The following SENP8 variants were observed in gnomAD, a reference collection of about 807,000 sequenced individuals.
SENP8 encodes sentrin-specific protease 8.
In SENP8, 10 loss-of-function variants were observed where a neutral mutation model predicts 14.4. The observed-to-expected ratio is 0.69, with a 90% CI of 0.43 to 1.18. The LOEUF (loss-of-function observed/expected upper bound fraction) is 1.18. SENP8 is among the 50% of genes most tolerant of loss of function. The pLI is 0.00. For synonymous variants in SENP8, 94 were observed against 95.5 expected (o/e 0.98, Z 0.09); for missense variants, 202 against 249.4 (o/e 0.81, Z 1.28).
chr15:72,135,013 C>A, intron 1 of SENP8: 3 of 328,068 alleles, frequency 9.1e-6, no homozygotes, highest in South Asian at 5.3e-5. Flanking sequence ...AGCCTGGGTT[C>A]ACCCTGAAGC....
At chr15:72,121,348 A>T (rs1472242506) in intron 1 of SENP8, among the ~76,000 whole-genome samples, 1 of 152,252 alleles carries the variant, frequency 6.6e-6, no homozygotes, top group Non-Finnish European at 1.5e-5. Context: ...GTTCTGTTTG[A>T]AAATCTAGAA....
chr15:72,134,451 C>T (rs2081307226), intron 1 of SENP8, among the ~76,000 whole-genome samples: 1 of 152,120 alleles, frequency 6.6e-6, no homozygotes, highest in Admixed American at 6.6e-5. Context: ...TGGTGGTACG[C>T]ACCTGCAGTC....
At chr15:72,138,028 T>C (rs1383981419) in intron 1 of SENP8, among the ~76,000 whole-genome samples, 1 of 151,968 alleles carries the variant, frequency 6.6e-6, no homozygotes, top group Non-Finnish European at 1.5e-5. Flanking sequence ...CCCTTGGAAA[T>C]TAGTAACTTT....
chr15:72,128,605 T>C (rs1230114130), intron 1 of SENP8, among the ~76,000 whole-genome samples: 1 of 152,266 alleles, frequency 6.6e-6, no homozygotes, highest in Admixed American at 6.5e-5. Flanking sequence ...TAAAATATTT[T>C]TAGTTGCTGA....
intron 1 of SENP8, among the ~76,000 whole-genome samples, chr15:72,126,968 T>C (rs1481572259): frequency 1.3e-5 from 2 of 152,208 alleles, no homozygotes; most frequent in African/African-American, 4.8e-5. Context: ...GAGTAGGAAA[T>C]TAGATTAGAA....
intron 1 of SENP8, among the ~76,000 whole-genome samples, chr15:72,127,242 AAAG>A (rs1181148184): frequency 6.6e-6 from 1 of 152,098 alleles, no homozygotes; most frequent in Non-Finnish European, 1.5e-5. Context: ...GGGGAGGAAA[AAAG>A]AATATGAACC....
At chr15:72,118,694 G>A (rs1368997277) in intron 1 of SENP8, 3 of 152,246 alleles carry the variant, frequency 2.0e-5, no homozygotes, top group Non-Finnish European at 2.9e-5. Flanking sequence ...TTCACTGAGT[G>A]GTTTCCATGC....
At position 72,140,067 on chromosome 15, in the gene SENP8, C is replaced by T. The variant is rs2081365957; in HGVS notation, c.444C>T (p.Ala148=). ...AFLGRKGDKL[A]FVEEKAPAQQ... ...TAGGCAGAAAAGGAGACAAACTGGC[C>T]TTTGTGGAAGAGAAAGCCCCTGCCC... The change falls in exon 2 of 2, where the codon GCC becomes GCT. Residue 148 remains alanine, a synonymous_variant. Transcript: ENST00000340912. 2 of 1,614,164 alleles carry T rather than the reference C, an allele frequency of 1.2e-6. No homozygotes were observed. Among genetic ancestry groups the T allele is most frequent in the African/African-American group, 2.7e-5 (2 of 75,052 alleles).
upstream of SENP8, chr15:72,118,131 A>T (rs1033851824): frequency 1.1e-5 from 4 of 378,250 alleles, no homozygotes; most frequent in Non-Finnish European, 1.9e-5. Flanking sequence ...CCCCGGCTGC[A>T]GGCGAGCAGG....
chr15:72,141,670 TAGC>T lies in SENP8; in HGVS notation c.*1411_*1413del, dbSNP rs2081381351. ...TAAGGGTAAATAAGTACAGGTTACA[TAGC>T]AGGCCTGAGTGAGCAGGAGCTGAAA... On this transcript the variant is annotated 3_prime_UTR_variant, in exon 2 of 2. Transcript: ENST00000340912. The T allele has an allele frequency of 6.6e-6, 1 of 152,152 alleles. No homozygotes were observed. Among genetic ancestry groups the T allele is most frequent in the Non-Finnish European group, 1.5e-5 (1 of 68,026 alleles). 9.4% of individuals were successfully genotyped at this position (152,152 alleles called of 1,614,324 possible).
Position 72,140,272 on chromosome 15 carries a change from T to C in SENP8, c.*10T>C. On this transcript the variant is annotated 3_prime_UTR_variant, in exon 2 of 2. Coordinates refer to ENST00000340912, the MANE Select transcript of SENP8 (RefSeq NM_145204.4). ...ACTTGCTAAAAAGTAGCTATTGAAG[T>C]ATATTTGCGACTTTTGAAGGCTCCT... is the stretch of plus-strand genomic sequence containing the variant. The C allele has an allele frequency of 6.3e-7, 1 of 1,596,284 alleles. No individual in the cohort carries two copies. The highest frequency in any genetic ancestry group is 8.6e-7 in the Non-Finnish European group (1 of 1,165,100).
At chr15:72,119,471 G>T (rs1459151313) in intron 1 of SENP8, among the ~76,000 whole-genome samples, 1 of 147,312 alleles carries the variant, frequency 6.8e-6, no homozygotes, top group Admixed American at 6.8e-5. Context: ...TCATTTAGCC[G>T]GGCGCGGTGG....
chr15:72,118,474 C>T lies in SENP8; in HGVS notation c.-48+10C>T, dbSNP rs974027883. On this transcript the variant is annotated intron_variant, in intron 1 of 1. Transcript: ENST00000340912. ...GTGAGGCCCGAGGCAGGTAAGAAGC[C>T]TCCTCCCCACTTCGGTTTGTCTCGG... 6.6e-6 allele frequency: 1 copy of T among 152,524 alleles called. No homozygotes were observed. Among genetic ancestry groups the T allele is most frequent in the Non-Finnish European group, 1.5e-5 (1 of 68,310 alleles). 9.4% of individuals were successfully genotyped at this position (152,524 alleles called of 1,614,324 possible).
chr15:72,117,414 TGG>T (rs918096556), upstream of SENP8, among the ~76,000 whole-genome samples: 5 of 149,500 alleles, frequency 3.3e-5, no homozygotes, highest in African/African-American at 5.0e-5. Context: ...GGGGTACTAA[TGG>T]GGTCTGCTGG....
intron 1 of SENP8, chr15:72,134,802 G>C: frequency 3.6e-6 from 1 of 281,624 alleles, no homozygotes; most frequent in South Asian, 4.3e-5. Context: ...GAATGTCCCA[G>C]AAGTGTTACC....
At chr15:72,128,793 G>A (rs1405663047) in intron 1 of SENP8, among the ~76,000 whole-genome samples, 3 of 152,184 alleles carry the variant, frequency 2.0e-5, no homozygotes, top group East Asian at 3.8e-4. Flanking sequence ...GCATCTCTGA[G>A]CATTTGTAGT....
Position 72,140,549 on chromosome 15 carries a change from T to G in SENP8, c.*287T>G, listed in dbSNP as rs949925154. The stretch of plus-strand genomic sequence containing the variant: ...CACAGGGTTTACGTAAGACTTTTCT[T>G]ATTGGTATATAATTAATTTCCTTTG... On this transcript the variant is annotated 3_prime_UTR_variant, in exon 2 of 2. Transcript: ENST00000340912. The G allele has an allele frequency of 5.8e-6, 2 of 347,648 alleles. No individual in the cohort carries two copies. Among genetic ancestry groups the G allele is most frequent in the Admixed American group, 4.6e-5 (1 of 21,908 alleles). The allele number at this position is 347,648 out of a possible 1,614,324, so 21.5% of individuals were successfully genotyped here.
At chr15:72,129,897 G>C (rs976267834) in intron 1 of SENP8, among the ~76,000 whole-genome samples, 1 of 151,756 alleles carries the variant, frequency 6.6e-6, no homozygotes, top group African/African-American at 2.4e-5. Flanking sequence ...CCAGTTAAAA[G>C]TTAATCTGGC....
chr15:72,114,906 A>G (rs535578905), upstream of SENP8, among the ~76,000 whole-genome samples: 802 of 152,332 alleles, frequency 5.3e-3, 7 homozygotes, highest in Middle Eastern at 0.01. Context: ...ATATTTTCAA[A>G]CCTCCTACAT....
Sources: allele counts gnomAD v4.1 joint callset (sites outside exome capture counted in the v4.1 genomes callset), GRCh38; gene constraint gnomAD v4.1.1; transcripts MANE v1.5; gene names NCBI Gene and HGNC (gene_info 2026-07-23, HGNC 2026-07-21).